FSTL5: variants seen among roughly 807,000 people sequenced by gnomAD.
FSTL5 encodes the protein follistatin like 5.
In FSTL5, 62 loss-of-function variants were observed where a neutral mutation model predicts 89.1. That is an observed-to-expected ratio of 0.70 (90% CI 0.57 to 0.86). The LOEUF (loss-of-function observed/expected upper bound fraction) is 0.86. FSTL5 is among the 40% of genes least tolerant of loss of function. The pLI is 0.00. For missense variants in FSTL5, 1,057 were observed against 1,001.6 expected (o/e 1.06, Z -0.75); for synonymous variants, 383 against 346.2 (o/e 1.11, Z -1.18).
chr4:161,926,593 T>C (rs1308810098), intron 3 of FSTL5, among the ~76,000 whole-genome samples: 3 of 151,810 alleles, frequency 2.0e-5, no homozygotes, highest in East Asian at 1.9e-4. Flanking sequence ...GTACCTAATA[T>C]GGCAACAGTT....
intron 8 of FSTL5, among the ~76,000 whole-genome samples, chr4:161,568,939 G>T (rs1578932526): frequency 3.9e-5 from 6 of 152,174 alleles, no homozygotes; most frequent in Admixed American, 3.9e-4. Context: ...AATCTTGCAG[G>T]GTTAACTTTC....
At chr4:161,904,808 C>T (rs1579183131) in intron 4 of FSTL5, among the ~76,000 whole-genome samples, 1 of 151,758 alleles carries the variant, frequency 6.6e-6, no homozygotes, top group African/African-American at 2.4e-5. Context: ...AGTATGAAGA[C>T]ATATCAGTGT....
At chr4:161,590,356 T>A (rs918186696) in intron 7 of FSTL5, among the ~76,000 whole-genome samples, 1 of 151,978 alleles carries the variant, frequency 6.6e-6, no homozygotes, top group Admixed American at 6.6e-5. Flanking sequence ...CCGGCCAACA[T>A]GAGGAAACCC....
At chr4:161,438,959 T>C (rs1048316568) in intron 15 of FSTL5, among the ~76,000 whole-genome samples, 4 of 149,654 alleles carry the variant, frequency 2.7e-5, no homozygotes, top group Non-Finnish European at 4.5e-5. Flanking sequence ...TTGATGATTA[T>C]AGTTTTTTTT....
intron 15 of FSTL5, among the ~76,000 whole-genome samples, chr4:161,425,036 G>A (rs922859038): frequency 2.0e-5 from 3 of 152,162 alleles, no homozygotes; most frequent in Non-Finnish European, 4.4e-5. Flanking sequence ...TTTGTTGGAA[G>A]GAGCCAGCCT....
intron 6 of FSTL5, among the ~76,000 whole-genome samples, chr4:161,713,320 G>A (rs1738861507): frequency 6.6e-6 from 1 of 152,150 alleles, no homozygotes; most frequent in Non-Finnish European, 1.5e-5. Flanking sequence ...AACAATGGAG[G>A]TGTCTAGAAG....
chr4:161,746,799 A>C (rs545957785), intron 6 of FSTL5, among the ~76,000 whole-genome samples: 1 of 151,902 alleles, frequency 6.6e-6, no homozygotes, highest in South Asian at 2.1e-4. Flanking sequence ...TAAGTTTCAA[A>C]CTCTAACCCC....
rs779041362 is a variant in FSTL5, at chr4:161,920,424, T to C, written c.389A>G (p.Asn130Ser). The C allele has an allele frequency of 1.2e-5, 19 of 1,613,920 alleles. No homozygotes were observed. The Admixed American group carries it at 1.7e-4, about 14-fold the overall frequency. Residue 130 changes from asparagine to serine, a missense_variant, in exon 4 of 16, where the codon AAT becomes AGT. Asn to Ser is a conservative substitution (Grantham distance 46). Around this residue, in one of 3 missense-constraint regions of FSTL5, gnomAD observed 980 missense variants for 903.2 expected, o/e 1.08. Coordinates refer to ENST00000306100, the MANE Select transcript of FSTL5 (RefSeq NM_020116.5). ...LKKQKITIVH[N>S]EDCFFKGDKC... is the part of the protein sequence containing the mutation. Reference sequence around the variant, plus strand: ...TTTACCTTTAAAGAAGCAGTCTTCATTGTGAACAATGGTAATCTTTTGTTT... The same window carrying C: ...TTTACCTTTAAAGAAGCAGTCTTCACTGTGAACAATGGTAATCTTTTGTTT...
intron 4 of FSTL5, among the ~76,000 whole-genome samples, chr4:161,890,639 G>A (rs1236393829): frequency 1.4e-5 from 2 of 139,260 alleles, no homozygotes; most frequent in African/African-American, 5.4e-5. Flanking sequence ...AGTGAGCCGA[G>A]ATTGCACCAT....
intron 4 of FSTL5, among the ~76,000 whole-genome samples, chr4:161,872,141 G>GTTTTTTTTTTCTTTTTTTTTTTT (rs1732288349): frequency 1.3e-5 from 1 of 79,564 alleles, no homozygotes; most frequent in Admixed American, 1.4e-4. Flanking sequence ...TTTTTTTTTG[G>GTTTTTTTTTTCTTTTTTTTTTTT]TTTTTTTTTT....
In FSTL5 at chr4:161,386,326, T is replaced by G. The variant is rs1388740378; in HGVS notation, c.1965A>C (p.Thr655=). The change falls in exon 16 of 16, where the codon ACA becomes ACC. Residue 655 remains threonine, a synonymous_variant. Coordinates refer to ENST00000306100, the MANE Select transcript of FSTL5 (RefSeq NM_020116.5). ...CAATGAAGTAGTAGCCTCCCAAGTG[T>G]GTATATGCCAATGACTGAGGAACGC... ...YKCVPQSLAY[T]HLGGYYFIGC... is the part of the protein sequence containing the mutation. 1.2e-6 allele frequency: 2 copies of G among 1,613,958 alleles called. No individual in the cohort carries two copies. Among genetic ancestry groups the G allele is most frequent in the Non-Finnish European group, 1.7e-6 (2 of 1,179,934 alleles).
At chr4:161,542,729 A>G (rs778482577) in intron 8 of FSTL5, 36 bp from the exon 9 acceptor site, 2 of 1,342,032 alleles carry the variant, frequency 1.5e-6, no homozygotes, top group South Asian at 1.9e-5. Context: ...TGAATTAGTG[A>G]TTCATATTTT....
At chr4:161,930,687 G>A (rs890491053) in intron 3 of FSTL5, among the ~76,000 whole-genome samples, 5 of 151,702 alleles carry the variant, frequency 3.3e-5, no homozygotes, top group Non-Finnish European at 7.4e-5. Context: ...GATGCAAAGC[G>A]CTCTATCTAT....
chr4:161,491,077 T>C (rs1201443420), intron 12 of FSTL5, among the ~76,000 whole-genome samples: 1 of 151,864 alleles, frequency 6.6e-6, no homozygotes, highest in African/African-American at 2.4e-5. Flanking sequence ...TATCATATTT[T>C]ATAAAATATT....
intron 3 of FSTL5, among the ~76,000 whole-genome samples, chr4:162,005,790 CTT>C (rs1736599321): frequency 2.0e-5 from 3 of 152,124 alleles, no homozygotes; most frequent in Admixed American, 2.0e-4. Context: ...GATAAGCACT[CTT>C]TGCAACTTGA....
chr4:162,068,322 A>G (rs1729435934), intron 2 of FSTL5, among the ~76,000 whole-genome samples: 1 of 152,130 alleles, frequency 6.6e-6, no homozygotes, highest in South Asian at 2.1e-4. Context: ...TACAGTAACC[A>G]AAACAGCATG....
chr4:161,545,005 T>C (rs574829822), intron 8 of FSTL5, among the ~76,000 whole-genome samples: 1 of 152,176 alleles, frequency 6.6e-6, no homozygotes, highest in East Asian at 1.9e-4. Flanking sequence ...GGCATAATTA[T>C]AGAAAGACTC....
intron 2 of FSTL5, 136 bp downstream of exon 2, chr4:162,111,135 C>A: frequency 1.5e-6 from 1 of 672,370 alleles, no homozygotes. Context: ...TTAAAATGTG[C>A]ATTTTAAAAA....
At chr4:161,825,970 A>G (rs1001681848) in intron 4 of FSTL5, among the ~76,000 whole-genome samples, 5 of 151,500 alleles carry the variant, frequency 3.3e-5, no homozygotes, top group African/African-American at 4.9e-5. Flanking sequence ...GTGTGGCTTT[A>G]GATTGTCTAT....
Sources: gnomAD v4.1 joint callset for allele counts (sites outside exome capture counted in the v4.1 genomes callset) on GRCh38, gnomAD v4.1.1 for gene constraint, gnomAD v4.1.1 regional missense constraint, MANE v1.5 for transcripts, NCBI Gene and HGNC (gene_info 2026-07-23, HGNC 2026-07-21) for gene names.